The following RPS6KA2 variants were observed in gnomAD, a reference collection of about 807,000 sequenced individuals.
RPS6KA2 encodes the protein ribosomal protein S6 kinase A2.
In RPS6KA2, 42 loss-of-function variants were observed where a neutral mutation model predicts 91.8. The observed-to-expected ratio is 0.46, with a 90% CI of 0.36 to 0.59. The LOEUF (loss-of-function observed/expected upper bound fraction) is 0.59, where lower values mean the gene tolerates loss of function less well. Among genes scored for constraint, RPS6KA2 ranks in the 20% least tolerant of loss-of-function variants. RPS6KA2 has a pLI of 0.00. For missense variants in RPS6KA2, 798 were observed against 978.5 expected (o/e 0.82, Z 2.46); for synonymous variants, 414 against 393.6 (o/e 1.05, Z -0.61).
At chr6:166,600,284 C>T (rs1007889905) in intron 1 of RPS6KA2, among the ~76,000 whole-genome samples, 2 of 152,234 alleles carry the variant, frequency 1.3e-5, no homozygotes, top group African/African-American at 4.8e-5. Context: ...GGATGACAGG[C>T]ACGAGCCATC....
chr6:166,745,499 C>T (rs984725646), intron 2 of RPS6KA2, among the ~76,000 whole-genome samples: 14 of 152,140 alleles, frequency 9.2e-5, no homozygotes, highest in South Asian at 2.1e-4. Context: ...GACAAGGGCC[C>T]ACCTTCAAGA....
intron 2 of RPS6KA2, among the ~76,000 whole-genome samples, chr6:166,658,946 G>A (rs950400440): frequency 1.1e-4 from 16 of 152,090 alleles, no homozygotes; most frequent in African/African-American, 2.9e-4. Context: ...GCCCCGACAC[G>A]TGACTGAGTA....
rs1455296192 is a variant in RPS6KA2 at position 166,635,164 on chromosome 6, C to A, written c.124-96380G>T. The stretch of plus-strand genomic sequence containing the variant: ...GTGACTCACTAATTATCAATCACTT[C>A]TCTCCCACGTACACCTTGGCATGAA... On this transcript the variant is annotated intron_variant, in intron 2 of 21. Coordinates refer to the RPS6KA2 transcript ENST00000503859. The surrounding 1 kb of genome is among the most constrained non-coding windows in gnomAD (Gnocchi z 4.8). Among the ~76,000 whole-genome samples the A allele has an allele frequency of 6.6e-6, 1 of 152,230 alleles. No homozygotes were observed. Among genetic ancestry groups the A allele is most frequent in the Non-Finnish European group, 1.5e-5 (1 of 68,050 alleles).
chr6:166,621,505 T>C (rs77098977), intron 1 of RPS6KA2, among the ~76,000 whole-genome samples: 2,634 of 152,352 alleles, frequency 0.017, 79 homozygotes, highest in African/African-American at 0.06. Flanking sequence ...TTTTTACTTA[T>C]TTGAATTCAA....
At chr6:166,722,176 C>T (rs1011093228) in intron 2 of RPS6KA2, among the ~76,000 whole-genome samples, 1 of 152,170 alleles carries the variant, frequency 6.6e-6, no homozygotes, top group Non-Finnish European at 1.5e-5. Flanking sequence ...GAGTGTGACT[C>T]AGAAGGTCCA....
intron 2 of RPS6KA2, among the ~76,000 whole-genome samples, chr6:166,834,876 C>T (rs1177156156): frequency 2.0e-5 from 3 of 151,486 alleles, no homozygotes; most frequent in African/African-American, 7.3e-5. Context: ...GCAGTTCATG[C>T]CTTTTGTGCC....
rs1171351529 is a variant in RPS6KA2 at position 166,648,721 on chromosome 6, T to C, written c.124-109937A>G. Reference sequence around the variant, plus strand: ...TCCATCTGCGCATCACTCCGATCTGTATTACAGTGATTACTCCGGCGTCTG... The same window carrying C: ...TCCATCTGCGCATCACTCCGATCTGCATTACAGTGATTACTCCGGCGTCTG... On this transcript the variant is annotated intron_variant, in intron 2 of 21. Coordinates refer to the RPS6KA2 transcript ENST00000503859. This position sits in a 1 kb window ranked among gnomAD's most constrained non-coding sequence, Gnocchi z 4.8. Among the ~76,000 whole-genome samples the C allele has an allele frequency of 6.6e-6, 1 of 152,134 alleles. No individual in the cohort carries two copies. Among genetic ancestry groups the C allele is most frequent in the Non-Finnish European group, 1.5e-5 (1 of 68,036 alleles).
intron 1 of RPS6KA2, among the ~76,000 whole-genome samples, chr6:166,598,750 G>C (rs183390798): frequency 6.6e-5 from 10 of 152,354 alleles, no homozygotes; most frequent in African/African-American, 1.9e-4. Context: ...CCCAACTCTG[G>C]TAGATTTTGT....
rs1308166465 is a variant in RPS6KA2 at position 166,830,529 on chromosome 6, T to C, written c.123+27671A>G. On this transcript the variant is annotated intron_variant, in intron 2 of 21. Coordinates refer to the RPS6KA2 transcript ENST00000503859. Reference sequence around the variant, plus strand: ...GTACATTTTATATTTTTATAATTTCTTTTTAAAAAAAGCTCATCGCTGATA... The same window carrying C: ...GTACATTTTATATTTTTATAATTTCCTTTTAAAAAAAGCTCATCGCTGATA... Among the ~76,000 whole-genome samples the C allele has an allele frequency of 3.4e-5, 5 of 145,794 alleles. No individual in the cohort carries two copies. The East Asian group carries it at 9.6e-4, about 28-fold the overall frequency.
intron 1 of RPS6KA2, among the ~76,000 whole-genome samples, chr6:166,597,627 A>C (rs1785583905): frequency 1.3e-5 from 2 of 152,242 alleles, no homozygotes; most frequent in South Asian, 4.1e-4. Context: ...GAATGCAATG[A>C]TCATGGAGCT....
chr6:166,691,455 G>A (rs563380939), intron 2 of RPS6KA2, among the ~76,000 whole-genome samples: 7 of 152,098 alleles, frequency 4.6e-5, no homozygotes, highest in South Asian at 2.1e-4. Flanking sequence ...CACCTTCCCC[G>A]CCAAGCTCTC....
At chr6:166,483,336 C>G (rs1483477477) in intron 10 of RPS6KA2, among the ~76,000 whole-genome samples, 1 of 152,180 alleles carries the variant, frequency 6.6e-6, no homozygotes, top group East Asian at 1.9e-4. Context: ...AACCCCCATG[C>G]CACTGTGGGC....
chr6:166,509,637 A>G (rs1782393625), intron 4 of RPS6KA2, among the ~76,000 whole-genome samples: 1 of 152,206 alleles, frequency 6.6e-6, no homozygotes, highest in Non-Finnish European at 1.5e-5. Flanking sequence ...TAGGTGGGAA[A>G]GTTTAATGTA....
At chr6:166,766,086 A>C (rs1393110668) in intron 2 of RPS6KA2, among the ~76,000 whole-genome samples, 2 of 152,240 alleles carry the variant, frequency 1.3e-5, no homozygotes, top group African/African-American at 4.8e-5. Context: ...TGTAATTATC[A>C]TGATGACGTC....
At chr6:166,788,674 C>A (rs964229835) in intron 2 of RPS6KA2, among the ~76,000 whole-genome samples, 1 of 151,960 alleles carries the variant, frequency 6.6e-6, no homozygotes, top group East Asian at 1.9e-4. Flanking sequence ...CATCACACAC[C>A]GGGGCCTGTC....
In RPS6KA2 at chr6:166,445,839, C is replaced by T. The variant is rs1052786657; in HGVS notation, c.1332+2885G>A. ...AAGCGGCAACTGGGAGTGGTAAAGC[C>T]GGATTCTAGTGACAATCTCGGCTGG... On this transcript the variant is annotated intron_variant, in intron 14 of 20. Transcript: ENST00000265678. This position sits in a 1 kb window ranked among gnomAD's most constrained non-coding sequence, Gnocchi z 4.5. Among the ~76,000 whole-genome samples the T allele has an allele frequency of 6.6e-6, 1 of 152,148 alleles. No homozygotes were observed. Among genetic ancestry groups the T allele is most frequent in the East Asian group, 1.9e-4 (1 of 5,194 alleles).
At chr6:166,743,704 G>A (rs759717249) in intron 2 of RPS6KA2, among the ~76,000 whole-genome samples, 5 of 152,198 alleles carry the variant, frequency 3.3e-5, no homozygotes, top group Non-Finnish European at 7.3e-5. Flanking sequence ...TGCATCCTGC[G>A]AGAGGGATTC....
intron 1 of RPS6KA2, among the ~76,000 whole-genome samples, chr6:166,559,786 GAA>G (rs1459355808): frequency 6.6e-6 from 1 of 152,136 alleles, no homozygotes; most frequent in Non-Finnish European, 1.5e-5. Flanking sequence ...TAGATGTACA[GAA>G]AAGTCTAGGC....
intron 2 of RPS6KA2, among the ~76,000 whole-genome samples, chr6:166,656,374 A>T (rs1788002211): frequency 6.6e-6 from 1 of 152,166 alleles, no homozygotes; most frequent in African/African-American, 2.4e-5. Flanking sequence ...CTTCGCCCCA[A>T]CCCAAAGGCG....
Sources: gnomAD v4.1 joint callset for allele counts (sites outside exome capture counted in the v4.1 genomes callset) on GRCh38, gnomAD v4.1.1 for gene constraint, Gnocchi (gnomAD v3.1) non-coding constraint, MANE v1.5 for transcripts, NCBI Gene and HGNC (gene_info 2026-07-23, HGNC 2026-07-21) for gene names.